Variants in CACNB2 observed in about 807,000 individuals in gnomAD.
CACNB2 encodes voltage-dependent L-type calcium channel subunit beta-2.
CACNB2 carries 42 observed loss-of-function variants against 73.3 expected under a neutral mutation model. The ratio of observed to expected loss-of-function variants is 0.57; its 90% CI spans 0.45 to 0.74. CACNB2 has a LOEUF of 0.74. CACNB2 is among the 30% of genes least tolerant of loss of function. The pLI, the probability that CACNB2 is intolerant of heterozygous loss-of-function variation, is 0.00. For missense variants in CACNB2, 940 were observed against 853.0 expected, an observed-to-expected ratio of 1.10 and a Z score of -1.27; for synonymous variants, 348 against 310.3, an observed-to-expected ratio of 1.12 and a Z score of -1.28.
intron 2 of CACNB2, among the ~76,000 whole-genome samples, chr10:18,254,355 A>C (rs1470243992): frequency 6.6e-6 from 1 of 152,220 alleles, no homozygotes; most frequent in East Asian, 1.9e-4. Flanking sequence ...AATATGTTTT[A>C]AATTTATCAT....
At chr10:18,360,002 A>G (rs1032742573) in intron 2 of CACNB2, among the ~76,000 whole-genome samples, 3 of 152,188 alleles carry the variant, frequency 2.0e-5, no homozygotes, top group African/African-American at 4.8e-5. Flanking sequence ...ACTGGACTCT[A>G]TACTGGGGAG....
intron 2 of CACNB2, among the ~76,000 whole-genome samples, chr10:18,350,171 G>A (rs1024659742): frequency 6.6e-6 from 1 of 152,176 alleles, no homozygotes; most frequent in African/African-American, 2.4e-5. Context: ...CTTGAACCCA[G>A]GAGATGGAGG....
chr10:18,300,409 C>A (rs2039461765), intron 2 of CACNB2, among the ~76,000 whole-genome samples: 1 of 151,984 alleles, frequency 6.6e-6, no homozygotes, highest in South Asian at 2.1e-4. Flanking sequence ...ATTGCTGCTA[C>A]TTCTACTAAG....
chr10:18,287,761 G>C (rs2038868012), intron 2 of CACNB2, among the ~76,000 whole-genome samples: 1 of 152,090 alleles, frequency 6.6e-6, no homozygotes, highest in Non-Finnish European at 1.5e-5. Context: ...GAGTTGGGAG[G>C]ATTGCTTGAG....
intron 2 of CACNB2, among the ~76,000 whole-genome samples, chr10:18,350,252 AT>A (rs995557556): frequency 3.3e-5 from 5 of 152,148 alleles, no homozygotes; most frequent in South Asian, 2.1e-4. Context: ...TCTCAAAAAA[AT>A]TTTTTTAAAA....
At chr10:18,511,687 T>G (rs563039569) in intron 6 of CACNB2, among the ~76,000 whole-genome samples, 1 of 152,196 alleles carries the variant, frequency 6.6e-6, no homozygotes, top group African/African-American at 2.4e-5. Flanking sequence ...AACCGTAGAA[T>G]AATTTTCTAG....
intron 3 of CACNB2, among the ~76,000 whole-genome samples, chr10:18,446,375 G>T (rs1311609623): frequency 6.6e-6 from 1 of 152,180 alleles, no homozygotes; most frequent in Non-Finnish European, 1.5e-5. Context: ...AACTAAATTA[G>T]GCTGGAGTAA....
intron 2 of CACNB2, among the ~76,000 whole-genome samples, chr10:18,388,601 G>C (rs1177191689): frequency 6.6e-6 from 1 of 152,090 alleles, no homozygotes. Flanking sequence ...CAGAAGGTTA[G>C]ACTTTTAGAA....
intron 1 of CACNB2, among the ~76,000 whole-genome samples, chr10:18,145,453 C>T (rs1360620704): frequency 6.6e-6 from 1 of 151,936 alleles, no homozygotes; most frequent in African/African-American, 2.4e-5. Context: ...AATTTACAGA[C>T]ATGCCAATCA....
intron 2 of CACNB2, among the ~76,000 whole-genome samples, chr10:18,261,588 A>G (rs1367341870): frequency 6.6e-6 from 1 of 152,166 alleles, no homozygotes; most frequent in Non-Finnish European, 1.5e-5. Flanking sequence ...TGAGAAGTCC[A>G]TTGTCTCAGA....
chr10:18,176,552 G>T (rs1161222451), intron 2 of CACNB2, among the ~76,000 whole-genome samples: 4 of 151,846 alleles, frequency 2.6e-5, no homozygotes, highest in Admixed American at 2.0e-4. Context: ...AGCTACAGAA[G>T]AGGGAAAGTC....
At chr10:18,441,603 T>C (rs917295681) in intron 3 of CACNB2, among the ~76,000 whole-genome samples, 1 of 152,184 alleles carries the variant, frequency 6.6e-6, no homozygotes, top group Non-Finnish European at 1.5e-5. Flanking sequence ...TTATGATACA[T>C]AGTGTGTGTG....
intron 3 of CACNB2, among the ~76,000 whole-genome samples, chr10:18,419,712 G>A (rs1263727628): frequency 6.6e-6 from 1 of 152,210 alleles, no homozygotes; most frequent in Non-Finnish European, 1.5e-5. Context: ...AGCAACTGCT[G>A]TATTACAGAG....
intron 2 of CACNB2, among the ~76,000 whole-genome samples, chr10:18,284,689 C>T (rs2038709200): frequency 6.6e-6 from 1 of 152,152 alleles, no homozygotes; most frequent in African/African-American, 2.4e-5. Flanking sequence ...TTCCTAGAGC[C>T]AGGATAGCTT....
intron 3 of CACNB2, among the ~76,000 whole-genome samples, chr10:18,432,335 C>G (rs901489554): frequency 6.6e-6 from 1 of 152,108 alleles, no homozygotes; most frequent in African/African-American, 2.4e-5. Flanking sequence ...CCTCCTGCCC[C>G]TTCTGATGTC....
chr10:18,201,519 C>T (rs1277760), intron 2 of CACNB2, among the ~76,000 whole-genome samples: 131,643 of 152,178 alleles, frequency 0.87, 57,140 homozygotes, highest in Non-Finnish European at 0.9. Context: ...ATGTGATCCT[C>T]CCACCTTGGC....
chr10:18,345,487 T>C (rs2041410668), intron 2 of CACNB2, among the ~76,000 whole-genome samples: 2 of 152,210 alleles, frequency 1.3e-5, no homozygotes, highest in South Asian at 4.1e-4. Context: ...TTACTTTTTA[T>C]TTGTTGGATA....
At chr10:18,406,840 G>A (rs1273955868) in intron 3 of CACNB2, among the ~76,000 whole-genome samples, 1 of 152,144 alleles carries the variant, frequency 6.6e-6, no homozygotes, top group African/African-American at 2.4e-5. Context: ...GACAGGTGAA[G>A]TTTAGCTCTT....
rs1261861635 is a variant in CACNB2, at chr10:18,361,510, AAAG to A, written c.214-40411_214-40409del. 1.3e-3 allele frequency among the ~76,000 whole-genome samples: 200 copies of A among 151,442 alleles called. 5 individuals carry two copies. The highest frequency in any genetic ancestry group is 0.012 in the Admixed American group (180 of 15,152). On this transcript the variant is annotated intron_variant, in intron 2 of 13. Coordinates refer to ENST00000324631, the MANE Select transcript of CACNB2 (RefSeq NM_201596.3). ...CAAGACTCTATCTCAAAAAAAAAAA[AAAG>A]AAAGAAAGAAAAAACAATTCCAGTC...
Sources: gnomAD v4.1 joint callset for allele counts (sites outside exome capture counted in the v4.1 genomes callset) on GRCh38, gnomAD v4.1.1 for gene constraint, MANE v1.5 for transcripts, NCBI Gene and HGNC (gene_info 2026-07-23, HGNC 2026-07-21) for gene names.